Variants in LTBP2 observed in about 807,000 individuals in gnomAD.
The protein encoded by LTBP2 is latent transforming growth factor beta binding protein 2, also known as latent-transforming growth factor beta-binding protein 2.
A neutral mutation model predicts 210.6 loss-of-function variants in LTBP2; 103 were observed. The ratio of observed to expected loss-of-function variants is 0.49; its 90% CI spans 0.42 to 0.58. LTBP2 has a LOEUF of 0.58. Among genes scored for constraint, LTBP2 ranks in the 20% least tolerant of loss-of-function variants. The pLI is 0.00. For synonymous variants in LTBP2, 1,007 were observed against 1,015.0 expected (o/e 0.99, Z 0.15); for missense variants, 2,313 against 2,494.5 (o/e 0.93, Z 1.55).
chr14:74,546,911 C>T (rs1214881109), intron 8 of LTBP2, among the ~76,000 whole-genome samples: 1 of 152,260 alleles, frequency 6.6e-6, no homozygotes, highest in Non-Finnish European at 1.5e-5. Context: ...TCCTGCTCCC[C>T]ACCCTTCCAG....
At chr14:74,606,292 C>A (rs2088525351) in intron 1 of LTBP2, among the ~76,000 whole-genome samples, 4 of 152,216 alleles carry the variant, frequency 2.6e-5, no homozygotes, top group Admixed American at 2.6e-4. Flanking sequence ...CTCTACAAGG[C>A]CCCCTGGCAC....
rs2088346649 is a variant in LTBP2 at position 74,595,437 on chromosome 14, G to A, written c.565+8198C>T. On this transcript the variant is annotated intron_variant, in intron 2 of 35. Coordinates refer to ENST00000261978, the MANE Select transcript of LTBP2 (RefSeq NM_000428.3). ...GAAGAGTTGTCTGTCCATCCCCACAGTCCCAAGGCTTGTCTGGGAGGAAGC... is the reference window on the plus strand; with the variant it reads ...GAAGAGTTGTCTGTCCATCCCCACAATCCCAAGGCTTGTCTGGGAGGAAGC... 2.6e-5 allele frequency among the ~76,000 whole-genome samples: 4 copies of A among 152,226 alleles called. No homozygotes were observed. In the South Asian group the frequency reaches 8.3e-4, roughly 32 times the overall value.
At position 74,509,838 on chromosome 14, in the gene LTBP2, C is replaced by A; in HGVS notation, c.3173G>T (p.Arg1058Leu). ...GCQDVDECASRASCPTGLCLN... is the reference protein window; with the variant it reads ...GCQDVDECASLASCPTGLCLN... ...GCAGAGGCCTGTGGGGCATGAGGCCCGGCTGGCACACTCATCCACATCTGA... is the reference window on the plus strand; with the variant it reads ...GCAGAGGCCTGTGGGGCATGAGGCCAGGCTGGCACACTCATCCACATCTGA... The change falls in exon 21 of 36, where the codon CGG becomes CTG. Residue 1058 changes from arginine to leucine, a missense_variant. This residue lies in a region of LTBP2 where 1,867 missense variants were observed against 1,976.9 expected (regional missense o/e 0.94). Coordinates refer to ENST00000261978, the MANE Select transcript of LTBP2 (RefSeq NM_000428.3). 6.2e-7 allele frequency: 1 copy of A among 1,613,926 alleles called. No individual in the cohort carries two copies. The highest frequency in any genetic ancestry group is 1.3e-5 in the African/African-American group (1 of 75,038).
chr14:74,604,000 G>A (rs894765111), intron 1 of LTBP2, among the ~76,000 whole-genome samples: 7 of 151,986 alleles, frequency 4.6e-5, no homozygotes, highest in African/African-American at 1.7e-4. Context: ...ACATAAAGAA[G>A]GCAGTCCACT....
chr14:74,547,027 G>A (rs532685166), intron 8 of LTBP2, among the ~76,000 whole-genome samples: 1 of 152,358 alleles, frequency 6.6e-6, no homozygotes, highest in South Asian at 2.1e-4. Context: ...TCCATTGGCA[G>A]CAGCCAGCCC....
intron 9 of LTBP2, among the ~76,000 whole-genome samples, chr14:74,533,255 A>T (rs925969752): frequency 2.0e-5 from 3 of 152,262 alleles, no homozygotes; most frequent in Non-Finnish European, 4.4e-5. Flanking sequence ...ATAGGCCCAC[A>T]TGTCCTCATT....
chr14:74,526,001 T>A (rs1284090211), intron 14 of LTBP2, 74 bp downstream of exon 14: 24 of 1,460,740 alleles, frequency 1.6e-5, no homozygotes, highest in Non-Finnish European at 1.9e-5. Flanking sequence ...TCACACATAG[T>A]AACTCCACTC....
intron 3 of LTBP2, 74 bp from the exon 4 acceptor site, chr14:74,555,767 C>T (rs1019249267): frequency 3.2e-5 from 36 of 1,135,510 alleles, no homozygotes; most frequent in Non-Finnish European, 4.0e-5. Context: ...ATCCAGCCAC[C>T]CACTCTCTGC....
chr14:74,520,578 G>A (rs1222447870), intron 17 of LTBP2, among the ~76,000 whole-genome samples: 3 of 152,156 alleles, frequency 2.0e-5, no homozygotes, highest in Admixed American at 6.5e-5. Context: ...CGAGGCGGGT[G>A]GATCACAAGA....
chr14:74,596,828 C>A (rs765379036), intron 2 of LTBP2, among the ~76,000 whole-genome samples: 3 of 152,180 alleles, frequency 2.0e-5, no homozygotes, highest in Admixed American at 6.5e-5. Flanking sequence ...AAGACCTGCA[C>A]GGGGGAGTTA....
intron 18 of LTBP2, among the ~76,000 whole-genome samples, chr14:74,515,263 T>C: frequency 6.6e-6 from 1 of 150,694 alleles, no homozygotes; most frequent in East Asian, 1.9e-4. Flanking sequence ...TTTTTTTTTT[T>C]TTTTTTTTTT....
rs1418311472 is a variant in LTBP2, at chr14:74,522,052, A to C, written c.2660-13T>G. On this transcript the variant is annotated splice_polypyrimidine_tract_variant and intron_variant, in intron 16 of 35. Transcript: ENST00000261978. ...CACTCGTTGTCATCTGACCAGAAGA[A>C]GGCAGGGAGGGAGGTCAGGGGGGCC... 1 of 1,610,128 alleles carries C rather than the reference A, an allele frequency of 6.2e-7. No individual in the cohort carries two copies. Among genetic ancestry groups the C allele is most frequent in the African/African-American group, 1.3e-5 (1 of 74,990 alleles).
intron 3 of LTBP2, among the ~76,000 whole-genome samples, chr14:74,581,959 T>C (rs1169319681): frequency 1.3e-5 from 2 of 150,986 alleles, no homozygotes; most frequent in African/African-American, 4.9e-5. Context: ...CACTCAGGGC[T>C]CAGCACTGCC....
At chr14:74,565,087 C>T (rs1344816551) in intron 3 of LTBP2, among the ~76,000 whole-genome samples, 3 of 152,112 alleles carry the variant, frequency 2.0e-5, no homozygotes. Flanking sequence ...CAGGAAATGA[C>T]CCGGTCCGAA....
At chr14:74,566,830 G>A (rs567953114) in intron 3 of LTBP2, among the ~76,000 whole-genome samples, 65 of 152,226 alleles carry the variant, frequency 4.3e-4, no homozygotes, top group South Asian at 3.1e-3. Flanking sequence ...GCCCTCATCA[G>A]TCAGCTCCAG....
rs112163706 is a variant in LTBP2, at chr14:74,510,017, G to C, written c.3151+74C>G. ...GCCAGGGGTGGATTCAGGGGGCCAA[G>C]GGTGGTGTGCAGAGGGGAGGGAGCC... On this transcript the variant is annotated intron_variant, in intron 20 of 35. Transcript: ENST00000261978. The C allele has an allele frequency of 3.7e-6, 6 of 1,612,406 alleles. No individual in the cohort carries two copies. In the African/African-American group the frequency reaches 5.3e-5, roughly 14 times the overall value.
At chr14:74,572,907 C>T (rs2088004313) in intron 3 of LTBP2, among the ~76,000 whole-genome samples, 1 of 152,218 alleles carries the variant, frequency 6.6e-6, no homozygotes, top group Admixed American at 6.5e-5. Context: ...TGCTCCCAGC[C>T]TCTTCCTTTC....
chr14:74,606,606 T>C (rs921421638), intron 1 of LTBP2, among the ~76,000 whole-genome samples: 1 of 152,258 alleles, frequency 6.6e-6, no homozygotes, highest in Non-Finnish European at 1.5e-5. Context: ...CCCAGCACTT[T>C]AGGAGTCTGA....
chr14:74,535,723 C>T (rs1348187581), intron 9 of LTBP2, among the ~76,000 whole-genome samples: 1 of 152,066 alleles, frequency 6.6e-6, no homozygotes, highest in Non-Finnish European at 1.5e-5. Flanking sequence ...AGGTGTCGGC[C>T]CCCTTGGCTT....
Sources: allele counts gnomAD v4.1 joint callset (sites outside exome capture counted in the v4.1 genomes callset), GRCh38; gene constraint gnomAD v4.1.1; regional missense constraint gnomAD v4.1.1; transcripts MANE v1.5; gene names NCBI Gene and HGNC (gene_info 2026-07-23, HGNC 2026-07-21).